CTNNA2: variants seen among roughly 807,000 people sequenced by gnomAD.
CTNNA2 encodes the protein catenin alpha-2.
In CTNNA2, 42 loss-of-function variants were observed where a neutral mutation model predicts 101.0. The observed-to-expected ratio is 0.42, with a 90% CI of 0.32 to 0.54. CTNNA2 has a LOEUF of 0.54. Among genes scored for constraint, CTNNA2 ranks in the 20% least tolerant of loss-of-function variants. The pLI, the probability that CTNNA2 is intolerant of heterozygous loss-of-function variation, is 0.14. For missense variants in CTNNA2, 871 were observed against 1,223.1 expected, an observed-to-expected ratio of 0.71 and a Z score of 4.29; for synonymous variants, 450 against 456.4, an observed-to-expected ratio of 0.99 and a Z score of 0.18.
chr2:80,155,554 C>A (rs982690011), intron 7 of CTNNA2, among the ~76,000 whole-genome samples: 3 of 152,076 alleles, frequency 2.0e-5, no homozygotes, highest in Admixed American at 6.6e-5. Flanking sequence ...TCCTTTTCTT[C>A]TTTTCTTTTT....
At chr2:79,392,025 A>G (rs1343659164) in intron 4 of CTNNA2, among the ~76,000 whole-genome samples, 1 of 152,108 alleles carries the variant, frequency 6.6e-6, no homozygotes, top group African/African-American at 2.4e-5. Flanking sequence ...GTCCAATTGG[A>G]TTAGGGCTGC....
chr2:80,103,800 T>A (rs1700703458), intron 7 of CTNNA2, among the ~76,000 whole-genome samples: 1 of 152,220 alleles, frequency 6.6e-6, no homozygotes, highest in South Asian at 2.1e-4. Flanking sequence ...AGTGGCGTGA[T>A]CTTGGCTCAC....
intron 7 of CTNNA2, among the ~76,000 whole-genome samples, chr2:80,101,756 G>C (rs1700561207): frequency 6.6e-6 from 1 of 152,072 alleles, no homozygotes; most frequent in African/African-American, 2.4e-5. Context: ...TGTATTTAAG[G>C]GACAGTTAAT....
chr2:80,565,462 C>A (rs1693972261), intron 12 of CTNNA2, among the ~76,000 whole-genome samples: 1 of 151,780 alleles, frequency 6.6e-6, no homozygotes, highest in Non-Finnish European at 1.5e-5. Flanking sequence ...CAAATTGTAC[C>A]AACTTCCCGG....
intron 1 of CTNNA2, among the ~76,000 whole-genome samples, chr2:79,522,967 G>A (rs1202720142): frequency 1.3e-5 from 2 of 152,188 alleles, no homozygotes; most frequent in Non-Finnish European, 2.9e-5. Context: ...AATCACTGCA[G>A]TCCAACTATT....
intron 3 of CTNNA2, among the ~76,000 whole-genome samples, chr2:79,340,708 C>T (rs909769397): frequency 4.0e-5 from 6 of 151,730 alleles, no homozygotes; most frequent in Non-Finnish European, 5.9e-5. Flanking sequence ...GTTGCAGGCG[C>T]CTGTAGTCCC....
rs34282777 is a variant in CTNNA2 at position 79,655,828 on chromosome 2, C to CA, written c.102+4186dup. ...TGGGCGACAGAGCGAGACTCCATCT[C>CA]AAAAAAAAAAAAAAAATGTCTTTTT... On this transcript the variant is annotated intron_variant, in intron 2 of 18. Coordinates refer to ENST00000402739, the MANE Select transcript of CTNNA2 (RefSeq NM_001282597.3). Among the ~76,000 whole-genome samples, 169 of 136,252 alleles carry CA rather than the reference C, an allele frequency of 1.2e-3. 1 individual carries two copies. Among genetic ancestry groups the CA allele is most frequent in the Admixed American group, 1.8e-3 (24 of 13,424 alleles). The allele number at this position is 136,252 out of a possible 152,430, so 89.4% of individuals were successfully genotyped here. A position where few individuals can be genotyped will look rare whatever the true frequency, so the allele number is the denominator to read the frequency against.
At chr2:80,145,599 G>A (rs924229500) in intron 7 of CTNNA2, among the ~76,000 whole-genome samples, 4 of 152,210 alleles carry the variant, frequency 2.6e-5, no homozygotes, top group African/African-American at 9.6e-5. Flanking sequence ...CTCTTTGTGA[G>A]GTAGATTAAG....
At chr2:80,520,890 G>C (rs927023312) in intron 9 of CTNNA2, among the ~76,000 whole-genome samples, 1 of 152,186 alleles carries the variant, frequency 6.6e-6, no homozygotes, top group Admixed American at 6.5e-5. Flanking sequence ...TATTTTCTGT[G>C]AGTTGAGAGG....
chr2:79,466,657 C>T (rs549067400), intron 4 of CTNNA2, among the ~76,000 whole-genome samples: 17 of 152,276 alleles, frequency 1.1e-4, no homozygotes, highest in South Asian at 4.1e-4. Flanking sequence ...CCCACACAGC[C>T]GAGTACCCCT....
intron 2 of CTNNA2, among the ~76,000 whole-genome samples, chr2:79,231,441 T>G (rs377393821): frequency 6.6e-6 from 1 of 152,226 alleles, no homozygotes; most frequent in Non-Finnish European, 1.5e-5. Context: ...TCCCCAGCCA[T>G]GTAGAACTGT....
intron 2 of CTNNA2, among the ~76,000 whole-genome samples, chr2:79,288,185 G>A (rs1476548196): frequency 6.6e-6 from 1 of 152,218 alleles, no homozygotes; most frequent in Non-Finnish European, 1.5e-5. Context: ...ACCTCACATG[G>A]AAATGCAGAA....
chr2:80,545,450 G>A (rs186257157), intron 10 of CTNNA2, among the ~76,000 whole-genome samples: 353 of 152,274 alleles, frequency 2.3e-3, no homozygotes, highest in Non-Finnish European at 3.9e-3. Flanking sequence ...GGAGTCTGAG[G>A]TGAGAGGATT....
intron 9 of CTNNA2, among the ~76,000 whole-genome samples, chr2:80,518,708 A>AT (rs1689291783): frequency 6.6e-6 from 1 of 152,174 alleles, no homozygotes; most frequent in African/African-American, 2.4e-5. Context: ...ATTCTCAAAT[A>AT]TTCTTGACTA....
intron 4 of CTNNA2, among the ~76,000 whole-genome samples, chr2:79,463,558 C>A (rs1670901845): frequency 6.6e-6 from 1 of 152,156 alleles, no homozygotes; most frequent in African/African-American, 2.4e-5. Context: ...CTAGAACATT[C>A]TTTCTTTGGA....
chr2:79,225,505 G>C (rs908512770), intron 2 of CTNNA2, among the ~76,000 whole-genome samples: 1 of 152,116 alleles, frequency 6.6e-6, no homozygotes, highest in Admixed American at 6.6e-5. Flanking sequence ...GAGAGAAAAA[G>C]AAAAATGGCC....
chr2:79,258,024 C>T (rs1436984314), intron 2 of CTNNA2, among the ~76,000 whole-genome samples: 2 of 152,108 alleles, frequency 1.3e-5, no homozygotes, highest in Non-Finnish European at 2.9e-5. Flanking sequence ...CATCTTCTTA[C>T]CAGGAGAAGA....
intron 2 of CTNNA2, among the ~76,000 whole-genome samples, chr2:79,263,928 G>T (rs1433592850): frequency 6.6e-6 from 1 of 152,044 alleles, no homozygotes; most frequent in Non-Finnish European, 1.5e-5. Flanking sequence ...TGCATATAAG[G>T]GATCTATACT....
intron 7 of CTNNA2, among the ~76,000 whole-genome samples, chr2:80,057,575 C>T (rs1380968832): frequency 6.6e-6 from 1 of 152,186 alleles, no homozygotes; most frequent in African/African-American, 2.4e-5. Flanking sequence ...CCTTTTCTCT[C>T]TGGCTCCCAC....
Sources: gnomAD v4.1 joint callset for allele counts (sites outside exome capture counted in the v4.1 genomes callset) on GRCh38, gnomAD v4.1.1 for gene constraint, MANE v1.5 for transcripts, NCBI Gene and HGNC (gene_info 2026-07-23, HGNC 2026-07-21) for gene names.